SAMD4A: variants seen among roughly 807,000 people sequenced by gnomAD.
SAMD4A encodes the protein sterile alpha motif domain containing 4A, also known as protein Smaug homolog 1.
Under a neutral mutation model 81.3 loss-of-function variants are expected in SAMD4A, and 33 were observed. The observed-to-expected ratio is 0.41, with a 90% CI of 0.31 to 0.54. The LOEUF is 0.54. Among genes scored for constraint, SAMD4A ranks in the 20% least tolerant of loss-of-function variants. The pLI is 0.37. For missense variants in SAMD4A, 854 were observed against 951.1 expected, an observed-to-expected ratio of 0.90 and a Z score of 1.34; for synonymous variants, 389 against 382.1, an observed-to-expected ratio of 1.02 and a Z score of -0.21.
chr14:54,765,515 C>T (rs904828267), intron 8 of SAMD4A, among the ~76,000 whole-genome samples: 8 of 150,794 alleles, frequency 5.3e-5, no homozygotes, highest in Admixed American at 1.3e-4. Flanking sequence ...CCCAGCTACT[C>T]GGGAGGCCAA....
In SAMD4A at chr14:54,790,672, T is replaced by TTGTGTGTGTGTGTGTG. The variant is rs370482381; in HGVS notation, c.*1749_*1764dup. 18 of 141,930 alleles carry TTGTGTGTGTGTGTGTG rather than the reference T, an allele frequency of 1.3e-4. No homozygotes were observed. The highest frequency in any genetic ancestry group is 2.3e-4 in the African/African-American group (9 of 38,608). 8.8% of individuals were successfully genotyped at this position (141,930 alleles called of 1,614,324 possible). A position where few individuals can be genotyped will look rare whatever the true frequency, so the allele number is the denominator to read the frequency against. On this transcript the variant is annotated 3_prime_UTR_variant, in exon 13 of 13. Coordinates refer to ENST00000554335, the MANE Select transcript of SAMD4A (RefSeq NM_015589.6). ...TTACATGGATGAGTCGGGTGCCTGGTTGTGTGTGTGTGTGTGTGTGTGTGT... is the reference window on the plus strand; with the variant it reads ...TTACATGGATGAGTCGGGTGCCTGGTTGTGTGTGTGTGTGTGTGTGTGTGTGTGTGTGTGTGTGTGT...
chr14:54,662,655 T>C (rs555870497), intron 2 of SAMD4A, among the ~76,000 whole-genome samples: 1 of 152,148 alleles, frequency 6.6e-6, no homozygotes, highest in South Asian at 2.1e-4. Flanking sequence ...CCTCAAGTGA[T>C]CTACTTGCCT....
chr14:54,647,322 CT>C (rs2035307880), intron 2 of SAMD4A, among the ~76,000 whole-genome samples: 1 of 152,186 alleles, frequency 6.6e-6, no homozygotes, highest in African/African-American at 2.4e-5. Context: ...CATTTTCTCT[CT>C]TTTACCAATA....
intron 2 of SAMD4A, among the ~76,000 whole-genome samples, chr14:54,595,458 G>A (rs980541937): frequency 6.7e-6 from 1 of 148,378 alleles, no homozygotes; most frequent in Non-Finnish European, 1.5e-5. Context: ...AATATATACT[G>A]TATGTATATA....
At chr14:54,579,377 T>C (rs2033399474) in intron 2 of SAMD4A, among the ~76,000 whole-genome samples, 1 of 152,262 alleles carries the variant, frequency 6.6e-6, no homozygotes, top group Non-Finnish European at 1.5e-5. Context: ...TGGTTGGAAA[T>C]GTGCCTAAGG....
intron 2 of SAMD4A, among the ~76,000 whole-genome samples, chr14:54,602,375 C>CAT (rs1491307995): frequency 7.4e-6 from 1 of 134,558 alleles, no homozygotes; most frequent in African/African-American, 2.8e-5. Flanking sequence ...CACACACACA[C>CAT]GAAACACCAG....
chr14:54,572,612 C>T (rs1202337438), intron 2 of SAMD4A, among the ~76,000 whole-genome samples: 1 of 152,130 alleles, frequency 6.6e-6, no homozygotes, highest in Non-Finnish European at 1.5e-5. Context: ...TCTCCAGGTG[C>T]CCATCTATTT....
intron 7 of SAMD4A, among the ~76,000 whole-genome samples, chr14:54,762,881 G>A (rs1176460182): frequency 6.8e-6 from 1 of 147,428 alleles, no homozygotes; most frequent in Non-Finnish European, 1.5e-5. Flanking sequence ...TTGAGATGGA[G>A]TCTCGCTCTG....
chr14:54,713,597 A>G (rs1206319882), intron 3 of SAMD4A, among the ~76,000 whole-genome samples: 1 of 152,194 alleles, frequency 6.6e-6, no homozygotes, highest in Non-Finnish European at 1.5e-5. Flanking sequence ...AGTGAAGCCA[A>G]TGGGAGCACA....
chr14:54,583,641 A>G (rs1381374899), intron 2 of SAMD4A, among the ~76,000 whole-genome samples: 1 of 151,966 alleles, frequency 6.6e-6, no homozygotes, highest in African/African-American at 2.4e-5. Context: ...GCTCAGTTAC[A>G]TTTTTTACTA....
Position 54,737,277 on chromosome 14 carries a change from TG to T in SAMD4A, c.972del (p.Met325Ter). The part of the protein sequence containing the change: ...ARNTFQEEGS[G>X]MKDVPAWLKS... ...GTAACACATTCCAAGAAGAAGGTAGTGGGATGAAAGGTGAGTGACTAAATGA... is the reference window on the plus strand; with the variant it reads ...GTAACACATTCCAAGAAGAAGGTAGTGGATGAAAGGTGAGTGACTAAATGA... On this transcript the variant is annotated frameshift_variant, in exon 4 of 13. Coordinates refer to ENST00000554335, the MANE Select transcript of SAMD4A (RefSeq NM_015589.6). LOFTEE classifies it high-confidence loss of function. 1 of 1,614,032 alleles carries T rather than the reference TG, an allele frequency of 6.2e-7. No individual in the cohort carries two copies. The highest frequency in any genetic ancestry group is 8.5e-7 in the Non-Finnish European group (1 of 1,179,996).
At chr14:54,570,309 A>G (rs1361277347) in intron 2 of SAMD4A, among the ~76,000 whole-genome samples, 1 of 152,180 alleles carries the variant, frequency 6.6e-6, no homozygotes, top group Non-Finnish European at 1.5e-5. Context: ...CTCTCTGCAT[A>G]TCCGGAAACT....
rs968345394 is a variant in SAMD4A at position 54,574,902 on chromosome 14, C to T, written c.196+6790C>T. On this transcript the variant is annotated intron_variant, in intron 2 of 12. Coordinates refer to ENST00000554335, the MANE Select transcript of SAMD4A (RefSeq NM_015589.6). The stretch of plus-strand genomic sequence containing the variant: ...AGGCCTGGGGAGGTGGAGCTGAACT[C>T]CTGGGATTGTAGTAGGCTCCCAGGT... 5.3e-5 allele frequency among the ~76,000 whole-genome samples: 8 copies of T among 152,242 alleles called. 1 individual carries two copies. Among genetic ancestry groups the T allele is most frequent in the Admixed American group, 6.5e-5 (1 of 15,298 alleles).
intron 8 of SAMD4A, among the ~76,000 whole-genome samples, chr14:54,766,571 C>G (rs1332329088): frequency 6.6e-6 from 1 of 152,106 alleles, no homozygotes; most frequent in Admixed American, 6.5e-5. Context: ...CCTGGTGGTA[C>G]AGACTCGGTT....
chr14:54,711,662 G>T (rs1431400639), intron 3 of SAMD4A, among the ~76,000 whole-genome samples: 8 of 152,096 alleles, frequency 5.3e-5, no homozygotes, highest in Admixed American at 5.2e-4. Context: ...GGAGGGGTTC[G>T]GGGGAGGACA....
chr14:54,671,909 A>C (rs996869362), intron 2 of SAMD4A, among the ~76,000 whole-genome samples: 2 of 150,768 alleles, frequency 1.3e-5, no homozygotes, highest in African/African-American at 4.9e-5. Flanking sequence ...CTGCAGAGGC[A>C]TTGGGGTGGG....
intron 2 of SAMD4A, among the ~76,000 whole-genome samples, chr14:54,624,521 C>T (rs957462162): frequency 1.3e-5 from 2 of 152,212 alleles, no homozygotes; most frequent in African/African-American, 4.8e-5. Flanking sequence ...CGGGGAATTT[C>T]AGCAACAACC....
chr14:54,654,383 C>G (rs2035474011), intron 2 of SAMD4A, among the ~76,000 whole-genome samples: 2 of 152,032 alleles, frequency 1.3e-5, no homozygotes, highest in South Asian at 4.2e-4. Context: ...ATTCAGGCTG[C>G]TAGGATTGTC....
chr14:54,662,582 G>A (rs972952934), intron 2 of SAMD4A, among the ~76,000 whole-genome samples: 1 of 151,376 alleles, frequency 6.6e-6, no homozygotes, highest in Non-Finnish European at 1.5e-5. Flanking sequence ...GGTAACTTTT[G>A]TATTTTTTTT....
Sources: gnomAD v4.1 joint callset for allele counts (sites outside exome capture counted in the v4.1 genomes callset) on GRCh38, gnomAD v4.1.1 for gene constraint, MANE v1.5 for transcripts, NCBI Gene and HGNC (gene_info 2026-07-23, HGNC 2026-07-21) for gene names.